NUDT9: variants seen among roughly 807,000 people sequenced by gnomAD.
NUDT9 encodes the protein nudix hydrolase 9, also known as ADP-ribose pyrophosphatase.
A neutral mutation model predicts 41.0 loss-of-function variants in NUDT9; 31 were observed. The ratio of observed to expected loss-of-function variants is 0.76; its 90% CI spans 0.57 to 1.02. NUDT9 has a LOEUF of 1.02. Among genes scored for constraint, NUDT9 ranks in the 50% least tolerant of loss-of-function variants. NUDT9 has a pLI of 0.00. For synonymous variants in NUDT9, 146 were observed against 147.6 expected, an observed-to-expected ratio of 0.99 and a Z score of 0.08; for missense variants, 380 against 431.4, an observed-to-expected ratio of 0.88 and a Z score of 1.06.
chr4:87,425,089 C>CT (rs1406008463), intron 1 of NUDT9, among the ~76,000 whole-genome samples: 1 of 152,062 alleles, frequency 6.6e-6, no homozygotes, highest in East Asian at 1.9e-4. Context: ...GGCACAGTGG[C>CT]TAACACCTGT....
chr4:87,454,630 T>C (rs1342859017), intron 7 of NUDT9, among the ~76,000 whole-genome samples, 175 bp downstream of exon 7: 1 of 152,204 alleles, frequency 6.6e-6, no homozygotes, highest in Non-Finnish European at 1.5e-5. Context: ...ATAGAAGAAA[T>C]CTTCAAAACT....
At chr4:87,436,677 G>GT (rs951142369) in intron 2 of NUDT9, among the ~76,000 whole-genome samples, 2 of 152,132 alleles carry the variant, frequency 1.3e-5, no homozygotes, top group Non-Finnish European at 2.9e-5. Context: ...TAATTTCATG[G>GT]TTTTTATCAT....
At chr4:87,444,317 A>T (rs1366070063) in intron 4 of NUDT9, among the ~76,000 whole-genome samples, 1 of 152,030 alleles carries the variant, frequency 6.6e-6, no homozygotes, top group African/African-American at 2.4e-5. Context: ...TTTTCAAGTT[A>T]CTGGAAGAGG....
chr4:87,453,587 GCCCA>G, intron 6 of NUDT9, among the ~76,000 whole-genome samples: 1 of 151,806 alleles, frequency 6.6e-6, no homozygotes, highest in African/African-American at 2.4e-5. Context: ...TCTCCACCAT[GCCCA>G]GCTAATTTTT....
At chr4:87,440,255 A>C (rs185114642) in intron 3 of NUDT9, among the ~76,000 whole-genome samples, 1 of 152,252 alleles carries the variant, frequency 6.6e-6, no homozygotes, top group Non-Finnish European at 1.5e-5. Flanking sequence ...TTTTAAGGCT[A>C]TGCTATAGGA....
intron 4 of NUDT9, among the ~76,000 whole-genome samples, chr4:87,442,147 A>T (rs773526972): frequency 1.3e-5 from 2 of 152,208 alleles, no homozygotes; most frequent in African/African-American, 2.4e-5. Flanking sequence ...TATTTACATA[A>T]AACTAGATTG....
At chr4:87,437,551 C>T (rs930317412) in intron 2 of NUDT9, among the ~76,000 whole-genome samples, 1 of 151,614 alleles carries the variant, frequency 6.6e-6, no homozygotes, top group Non-Finnish European at 1.5e-5. Flanking sequence ...ACCATGTTAG[C>T]CAGGATGGTC....
intron 4 of NUDT9, among the ~76,000 whole-genome samples, chr4:87,446,450 G>C (rs1382281473): frequency 1.3e-5 from 2 of 152,104 alleles, no homozygotes; most frequent in South Asian, 2.1e-4. Flanking sequence ...GGCCAGGATG[G>C]TCTTGATCTC....
intron 1 of NUDT9, among the ~76,000 whole-genome samples, chr4:87,430,100 G>A (rs1473836180): frequency 1.3e-5 from 2 of 152,146 alleles, no homozygotes; most frequent in African/African-American, 2.4e-5. Context: ...AAATGGCCTG[G>A]CCGTGATCAA....
chr4:87,425,068 T>C (rs1045589113), intron 1 of NUDT9, among the ~76,000 whole-genome samples: 1 of 151,928 alleles, frequency 6.6e-6, no homozygotes, highest in East Asian at 1.9e-4. Flanking sequence ...AAAAAAAGAA[T>C]TTTATGGCCA....
At chr4:87,451,939 G>C (rs1475903917) in intron 6 of NUDT9, among the ~76,000 whole-genome samples, 1 of 151,794 alleles carries the variant, frequency 6.6e-6, no homozygotes. Flanking sequence ...GGCTATATAG[G>C]CTAAAATGAT....
intron 3 of NUDT9, among the ~76,000 whole-genome samples, chr4:87,439,684 G>T (rs1320379061): frequency 6.6e-6 from 1 of 151,942 alleles, no homozygotes; most frequent in Non-Finnish European, 1.5e-5. Flanking sequence ...AAAACCATCA[G>T]CTCTCATGAG....
intron 2 of NUDT9, among the ~76,000 whole-genome samples, chr4:87,437,404 C>G (rs950879155): frequency 6.6e-6 from 1 of 151,858 alleles, no homozygotes; most frequent in Non-Finnish European, 1.5e-5. Flanking sequence ...GCAGTGGCGC[C>G]ATCTCGGCTC....
chr4:87,449,483 T>G (rs1256717891), intron 5 of NUDT9, among the ~76,000 whole-genome samples: 3 of 152,200 alleles, frequency 2.0e-5, no homozygotes, highest in Non-Finnish European at 4.4e-5. Context: ...GGAAATAACG[T>G]GGGCTTTGAA....
At chr4:87,439,761 G>A (rs1035466016) in intron 3 of NUDT9, among the ~76,000 whole-genome samples, 1 of 152,150 alleles carries the variant, frequency 6.6e-6, no homozygotes, top group Non-Finnish European at 1.5e-5. Context: ...CCTCCCACCA[G>A]GTTCTGCCCT....
At chr4:87,434,841 A>T in intron 1 of NUDT9, 140 bp from the exon 2 acceptor site, 1 of 659,482 alleles carries the variant, frequency 1.5e-6, no homozygotes, top group Non-Finnish European at 2.5e-6. Context: ...CTGGTCTTGA[A>T]CCCCTAACCT....
At position 87,459,083 on chromosome 4, in the gene NUDT9, T is replaced by G. The variant is rs578256383; in HGVS notation, c.*1062T>G. 4 of 152,334 alleles carry G rather than the reference T, an allele frequency of 2.6e-5. No individual in the cohort carries two copies. In the East Asian group the frequency reaches 7.7e-4, roughly 29 times the overall value. 9.4% of individuals were successfully genotyped at this position (152,334 alleles called of 1,614,324 possible). On this transcript the variant is annotated 3_prime_UTR_variant, in exon 8 of 8. Coordinates refer to ENST00000302174, the MANE Select transcript of NUDT9 (RefSeq NM_024047.5). ...TAGACTGGATAAAGACAATGTGGTA[T>G]ATGTACACCATGGAATACTATGCAG...
chr4:87,427,603 CTGTCT>C (rs577805338), intron 1 of NUDT9, among the ~76,000 whole-genome samples: 3 of 152,158 alleles, frequency 2.0e-5, no homozygotes, highest in South Asian at 4.1e-4. Context: ...GTGTGTAAAT[CTGTCT>C]TGTCAAGTAG....
intron 4 of NUDT9, among the ~76,000 whole-genome samples, chr4:87,442,272 C>T (rs1370223856): frequency 1.3e-5 from 2 of 152,134 alleles, no homozygotes; most frequent in African/African-American, 4.8e-5. Flanking sequence ...GCAACTGTAA[C>T]ACAATTGTAA....
Sources: allele counts gnomAD v4.1 joint callset (sites outside exome capture counted in the v4.1 genomes callset), GRCh38; gene constraint gnomAD v4.1.1; transcripts MANE v1.5; gene names NCBI Gene and HGNC (gene_info 2026-07-23, HGNC 2026-07-21).